Variants in CSNK1G3 observed in about 807,000 individuals in gnomAD.
CSNK1G3 encodes casein kinase 1 gamma 3.
In CSNK1G3, 23 loss-of-function variants were observed where a neutral mutation model predicts 64.3. That is an observed-to-expected ratio of 0.36 (90% CI 0.26 to 0.51). The LOEUF is 0.51. Among genes scored for constraint, CSNK1G3 ranks in the 20% least tolerant of loss-of-function variants. CSNK1G3 has a pLI of 0.96. For missense variants in CSNK1G3, 357 were observed against 510.5 expected (o/e 0.70, Z 2.90); for synonymous variants, 158 against 162.2 (o/e 0.97, Z 0.20).
intron 6 of CSNK1G3, among the ~76,000 whole-genome samples, chr5:123,587,065 C>T (rs1480400104): frequency 6.6e-6 from 1 of 152,198 alleles, no homozygotes; most frequent in Non-Finnish European, 1.5e-5. Context: ...GAGTCCCTCT[C>T]ACAACGCATG....
chr5:123,513,329 C>T (rs1776588405), intron 1 of CSNK1G3, among the ~76,000 whole-genome samples: 1 of 152,022 alleles, frequency 6.6e-6, no homozygotes, highest in South Asian at 2.1e-4. Context: ...TGTGTGTCTA[C>T]TCGTGGGGTG....
chr5:123,577,259 G>A (rs1425409254), intron 6 of CSNK1G3, among the ~76,000 whole-genome samples: 1 of 151,900 alleles, frequency 6.6e-6, no homozygotes, highest in East Asian at 1.9e-4. Context: ...ATTGGATAAT[G>A]GTATTTAGAA....
chr5:123,577,411 A>T (rs780521118), intron 6 of CSNK1G3, among the ~76,000 whole-genome samples: 1 of 152,122 alleles, frequency 6.6e-6, no homozygotes, highest in East Asian at 1.9e-4. Context: ...ATACGTATGT[A>T]TACACACACA....
intron 10 of CSNK1G3, among the ~76,000 whole-genome samples, chr5:123,602,183 A>G (rs930193380): frequency 6.6e-6 from 1 of 152,158 alleles, no homozygotes; most frequent in African/African-American, 2.4e-5. Context: ...AAGATTATCA[A>G]GGCAGTTTTG....
chr5:123,583,098 A>G (rs1790620233), intron 6 of CSNK1G3, among the ~76,000 whole-genome samples: 1 of 152,222 alleles, frequency 6.6e-6, no homozygotes, highest in Non-Finnish European at 1.5e-5. Flanking sequence ...ATGTGACTAA[A>G]GCTTCCCCTT....
intron 1 of CSNK1G3, among the ~76,000 whole-genome samples, chr5:123,537,391 T>A (rs1330111744): frequency 6.9e-6 from 1 of 144,134 alleles, no homozygotes; most frequent in Non-Finnish European, 1.5e-5. Flanking sequence ...TACATGGACT[T>A]AGAGAGTGGA....
chr5:123,545,247 G>A (rs1782333756), intron 1 of CSNK1G3, among the ~76,000 whole-genome samples, 170 bp from the exon 2 acceptor site: 1 of 151,990 alleles, frequency 6.6e-6, no homozygotes. Context: ...TTGTTATTAA[G>A]GTATATAAAT....
At chr5:123,559,702 G>GTTTTTTTTTT (rs11357811) in intron 4 of CSNK1G3, among the ~76,000 whole-genome samples, 1 of 132,426 alleles carries the variant, frequency 7.6e-6, no homozygotes, top group Non-Finnish European at 1.6e-5. Context: ...ATTTTTTGTG[G>GTTTTTTTTTT]TTTTTTTTTT....
chr5:123,568,289 G>A lies in CSNK1G3; in HGVS notation c.290-5104G>A, dbSNP rs569016999. On this transcript the variant is annotated intron_variant, in intron 4 of 12. Transcript: ENST00000345990. ...TCAGACCAGCAGCCGAACACCAGACGTGACTATGACCTTTTTTTGGTGCAA... is the reference window on the plus strand; with the variant it reads ...TCAGACCAGCAGCCGAACACCAGACATGACTATGACCTTTTTTTGGTGCAA... 1.8e-4 allele frequency among the ~76,000 whole-genome samples: 28 copies of A among 152,222 alleles called. No homozygotes were observed. In the South Asian group the frequency reaches 5.2e-3, roughly 28 times the overall value.
chr5:123,576,189 T>G (rs1789129109), intron 6 of CSNK1G3, among the ~76,000 whole-genome samples: 1 of 152,204 alleles, frequency 6.6e-6, no homozygotes, highest in African/African-American at 2.4e-5. Flanking sequence ...ATTCACTGTA[T>G]TTTTTGTATT....
intron 4 of CSNK1G3, among the ~76,000 whole-genome samples, chr5:123,563,227 AT>A (rs1322488960): frequency 1.3e-5 from 2 of 152,052 alleles, no homozygotes; most frequent in Non-Finnish European, 2.9e-5. Context: ...TAGAGATGAT[AT>A]TAAAAATACT....
intron 6 of CSNK1G3, among the ~76,000 whole-genome samples, chr5:123,585,911 T>TA (rs937304975): frequency 9.9e-5 from 15 of 152,174 alleles, no homozygotes; most frequent in African/African-American, 3.6e-4. Context: ...AACCTATACT[T>TA]ACAACATCAT....
chr5:123,615,317 A>G (rs1277602335), exon 13 of CSNK1G3: 2 of 152,572 alleles, frequency 1.3e-5, no homozygotes, highest in Non-Finnish European at 2.9e-5. Context: ...ACCGAAACTT[A>G]CTGCTGAATG....
chr5:123,533,090 A>G (rs758377678), intron 1 of CSNK1G3, among the ~76,000 whole-genome samples: 1 of 151,880 alleles, frequency 6.6e-6, no homozygotes, highest in African/African-American at 2.4e-5. Flanking sequence ...TATTAAGTTT[A>G]CTTAATCTAT....
At chr5:123,552,964 C>A in intron 2 of CSNK1G3, 143 bp from the exon 3 acceptor site, 1 of 457,926 alleles carries the variant, frequency 2.2e-6, no homozygotes, top group Non-Finnish European at 4.0e-6. Context: ...TGAATATTTC[C>A]TTGTTAAGTT....
intron 2 of CSNK1G3, among the ~76,000 whole-genome samples, chr5:123,549,003 G>C (rs537718563): frequency 6.4e-4 from 97 of 152,368 alleles, no homozygotes; most frequent in Non-Finnish European, 1.1e-3. Context: ...CCAGCATAGA[G>C]AGATAGTATC....
chr5:123,520,719 G>A (rs1777954770), intron 1 of CSNK1G3, among the ~76,000 whole-genome samples: 1 of 151,828 alleles, frequency 6.6e-6, no homozygotes, highest in South Asian at 2.1e-4. Flanking sequence ...TATAAAATTA[G>A]TGGACTTCTG....
chr5:123,595,485 T>C (rs1344447032), intron 10 of CSNK1G3, among the ~76,000 whole-genome samples: 1 of 152,150 alleles, frequency 6.6e-6, no homozygotes, highest in Admixed American at 6.6e-5. Context: ...AATAGAACAT[T>C]TTTGTATTTT....
chr5:123,615,040 T>G (rs1749222219), exon 13 of CSNK1G3: 1 of 152,640 alleles, frequency 6.6e-6, no homozygotes, highest in African/African-American at 2.4e-5. Flanking sequence ...AAATGAATCT[T>G]AAGGAGTGTG....
Sources: gnomAD v4.1 joint callset for allele counts (sites outside exome capture counted in the v4.1 genomes callset) on GRCh38, gnomAD v4.1.1 for gene constraint, MANE v1.5 for transcripts, NCBI Gene and HGNC (gene_info 2026-07-23, HGNC 2026-07-21) for gene names.